Variants in RAI1 observed in about 807,000 individuals in gnomAD.
RAI1 encodes the protein retinoic acid induced 1, also known as retinoic acid-induced protein 1.
In RAI1, 9 loss-of-function variants were observed where a neutral mutation model predicts 123.8. The observed-to-expected ratio is 0.07, with a 90% CI of 0.04 to 0.13. The LOEUF is 0.13. Ranked by LOEUF, RAI1 falls within the 10% of genes least tolerant of loss-of-function variation. RAI1 has a pLI of 1.00. For synonymous variants in RAI1, 1,231 were observed against 1,127.3 expected (o/e 1.09, Z -1.84); for missense variants, 2,256 against 2,545.8 (o/e 0.89, Z 2.45).
chr17:17,710,725 C>T (rs1205682122), intron 1 of RAI1, among the ~76,000 whole-genome samples: 1 of 152,258 alleles, frequency 6.6e-6, no homozygotes, highest in Non-Finnish European at 1.5e-5. Context: ...TGGAGACAGC[C>T]AGGGCACCCC....
intron 2 of RAI1, among the ~76,000 whole-genome samples, chr17:17,768,919 C>T (rs2031043355): frequency 6.6e-6 from 1 of 152,308 alleles, no homozygotes; most frequent in Middle Eastern, 3.4e-3. Context: ...GGAGCAAGGC[C>T]CAGGCCACCT....
chr17:17,792,425 A>G (rs1283991847), intron 2 of RAI1, among the ~76,000 whole-genome samples: 1 of 152,176 alleles, frequency 6.6e-6, no homozygotes, highest in African/African-American at 2.4e-5. Flanking sequence ...TGGCTGGGTC[A>G]TGCTTGAACA....
chr17:17,799,361 A>G lies in RAI1; in HGVS notation c.5565+848A>G, dbSNP rs1282685072. Among the ~76,000 whole-genome samples the G allele has an allele frequency of 3.3e-5, 5 of 152,114 alleles. No individual in the cohort carries two copies. Among genetic ancestry groups the G allele is most frequent in the Middle Eastern group, 3.2e-3 (1 of 316 alleles). On this transcript the variant is annotated intron_variant, in intron 3 of 5. Transcript: ENST00000353383. The surrounding 1 kb of genome is among the most constrained non-coding windows in gnomAD (Gnocchi z 4.5). Reference sequence around the variant, plus strand: ...GGGGCCTGGTGGCTCTGGTGACAGCAGGGTGACGTTCTTCGTGGTGTCACC... The same window carrying G: ...GGGGCCTGGTGGCTCTGGTGACAGCGGGGTGACGTTCTTCGTGGTGTCACC...
At position 17,794,310 on chromosome 17, in the gene RAI1, C is replaced by G; in HGVS notation, c.1362C>G (p.Leu454=). The change falls in exon 3 of 6, where the codon CTC becomes CTG. Residue 454 remains leucine, a synonymous_variant. Transcript: ENST00000353383. ...CCAACACCGTCCAGCAGCTGCTGCT[C>G]TCCAAGGCTGCTGTGCCGCAGAAGA... ...NISNTVQQLL[L]SKAAVPQKKG... is the part of the protein sequence containing the mutation. 4 of 1,613,244 alleles carry G rather than the reference C, an allele frequency of 2.5e-6. No homozygotes were observed. Among genetic ancestry groups the G allele is most frequent in the Non-Finnish European group, 3.4e-6 (4 of 1,180,038 alleles).
intron 2 of RAI1, among the ~76,000 whole-genome samples, chr17:17,783,607 G>C (rs1023527757): frequency 6.6e-6 from 1 of 152,156 alleles, no homozygotes; most frequent in Non-Finnish European, 1.5e-5. Context: ...CCCCAGCCGG[G>C]CTGCAGGACT....
chr17:17,794,996 G>C lies in RAI1; in HGVS notation c.2048G>C (p.Ser683Thr), dbSNP rs755656678. 13 of 1,613,950 alleles carry C rather than the reference G, an allele frequency of 8.1e-6. No individual in the cohort carries two copies. The East Asian group carries it at 2.7e-4, about 33-fold the overall frequency. ...LDKGGNAKDFSPGLFEDPSVA... is the reference protein window; with the variant it reads ...LDKGGNAKDFTPGLFEDPSVA... ...AAGGGCGGCAATGCCAAGGACTTCA[G>C]CCCAGGGCTGTTTGAAGACCCTTCC... Residue 683 changes from serine to threonine, a missense_variant, in exon 3 of 6, where the codon AGC becomes ACC. Ser to Thr is a moderately conservative substitution (Grantham distance 58). Coordinates refer to ENST00000353383, the MANE Select transcript of RAI1 (RefSeq NM_030665.4).
intron 2 of RAI1, among the ~76,000 whole-genome samples, chr17:17,753,247 G>A (rs1473900611): frequency 6.6e-6 from 1 of 152,232 alleles, no homozygotes; most frequent in East Asian, 1.9e-4. Flanking sequence ...GGGGCCTGGA[G>A]TGAGGGCTGC....
chr17:17,740,040 C>G (rs973386683), intron 2 of RAI1, among the ~76,000 whole-genome samples: 9 of 152,232 alleles, frequency 5.9e-5, no homozygotes, highest in African/African-American at 2.2e-4. Context: ...GAATCACAGG[C>G]CAGGCTGAGC....
intron 1 of RAI1, among the ~76,000 whole-genome samples, chr17:17,698,433 A>G (rs1352966011): frequency 6.6e-6 from 1 of 152,196 alleles, no homozygotes; most frequent in Non-Finnish European, 1.5e-5. Flanking sequence ...GCCCTGGCCC[A>G]GTAGTCAGGA....
At chr17:17,700,763 G>A (rs1311709672) in intron 1 of RAI1, among the ~76,000 whole-genome samples, 1 of 152,086 alleles carries the variant, frequency 6.6e-6, no homozygotes, top group Non-Finnish European at 1.5e-5. Context: ...GCCCTGCCTC[G>A]GCGGAGATCC....
At chr17:17,805,214 C>T (rs2032572031) in intron 4 of RAI1, among the ~76,000 whole-genome samples, 1 of 152,172 alleles carries the variant, frequency 6.6e-6, no homozygotes, top group Admixed American at 6.6e-5. Flanking sequence ...TACCTCTGCA[C>T]ACAGTTTCCC....
At chr17:17,705,281 T>C (rs1334026509) in intron 1 of RAI1, among the ~76,000 whole-genome samples, 1 of 152,242 alleles carries the variant, frequency 6.6e-6, no homozygotes, top group East Asian at 1.9e-4. Flanking sequence ...TTGACTCATT[T>C]TCTCACTCAT....
At chr17:17,707,255 G>C (rs1230663378) in intron 1 of RAI1, among the ~76,000 whole-genome samples, 3 of 152,096 alleles carry the variant, frequency 2.0e-5, no homozygotes, top group Non-Finnish European at 4.4e-5. Context: ...ATCCAGCCTG[G>C]GTAACATAGC....
chr17:17,804,072 C>A (rs1414301000), intron 4 of RAI1: 1 of 644,760 alleles, frequency 1.6e-6, no homozygotes, highest in Non-Finnish European at 2.9e-6. Context: ...TTGAGGAGTG[C>A]CCAGAGCAGT....
At chr17:17,698,602 G>A (rs1267655566) in intron 1 of RAI1, among the ~76,000 whole-genome samples, 2 of 152,226 alleles carry the variant, frequency 1.3e-5, no homozygotes, top group Non-Finnish European at 2.9e-5. Flanking sequence ...CCAGCCTCAG[G>A]GTCAGGACAG....
rs2143003237 is a variant in RAI1, at chr17:17,797,776, A to G, written c.4828A>G (p.Ile1610Val). The change falls in exon 3 of 6, where the codon ATA becomes GTA. Residue 1610 changes from isoleucine to valine, a missense_variant. Transcript: ENST00000353383. ...GGAGAAGCGAGACGCGTTCACCACC[A>G]TATGCACTGTTGTCAACTCCCCTGG... The part of the protein sequence containing the change: ...RVEKRDAFTT[I>V]CTVVNSPGDA... The G allele has an allele frequency of 1.2e-6, 2 of 1,614,062 alleles. No individual in the cohort carries two copies. Among genetic ancestry groups the G allele is most frequent in the East Asian group, 2.2e-5 (1 of 44,866 alleles).
intron 2 of RAI1, chr17:17,778,672 G>A (rs1464301778): frequency 2.2e-6 from 1 of 455,510 alleles, no homozygotes; most frequent in South Asian, 1.5e-5. Flanking sequence ...TCATTGGTCT[G>A]GCTGTGGTGA....
At chr17:17,772,100 C>T (rs2031182299) in intron 2 of RAI1, among the ~76,000 whole-genome samples, 1 of 152,168 alleles carries the variant, frequency 6.6e-6, no homozygotes, top group African/African-American at 2.4e-5. Context: ...GAAATGTAAG[C>T]CAGACTCAAG....
At chr17:17,752,175 C>T (rs964308791) in intron 2 of RAI1, among the ~76,000 whole-genome samples, 1 of 152,082 alleles carries the variant, frequency 6.6e-6, no homozygotes, top group East Asian at 1.9e-4. Context: ...CCCGGCATAC[C>T]CACGGGCCAG....
Sources: gnomAD v4.1 joint callset for allele counts (sites outside exome capture counted in the v4.1 genomes callset) on GRCh38, gnomAD v4.1.1 for gene constraint, Gnocchi (gnomAD v3.1) non-coding constraint, MANE v1.5 for transcripts, NCBI Gene and HGNC (gene_info 2026-07-23, HGNC 2026-07-21) for gene names.